TBC1D5: variants seen among roughly 807,000 people sequenced by gnomAD.
TBC1D5 encodes the protein TBC1 domain family member 5, also known as TBC1 domain family, member 5.
Under a neutral mutation model 100.3 loss-of-function variants are expected in TBC1D5, and 75 were observed. The observed-to-expected ratio is 0.75, with a 90% confidence interval of 0.62 to 0.91. The LOEUF (loss-of-function observed/expected upper bound fraction) is 0.91, where lower values mean the gene tolerates loss of function less well. Among genes scored for constraint, TBC1D5 ranks in the 40% least tolerant of loss-of-function variants. The pLI, the probability that TBC1D5 is intolerant of heterozygous loss-of-function variation, is 0.00. For synonymous variants in TBC1D5, 323 were observed against 325.6 expected (o/e 0.99, Z 0.09); for missense variants, 910 against 942.4 (o/e 0.97, Z 0.45).
At chr3:17,444,758 T>C (rs944340128) in intron 3 of TBC1D5, among the ~76,000 whole-genome samples, 2 of 152,128 alleles carry the variant, frequency 1.3e-5, no homozygotes, top group Admixed American at 1.3e-4. Flanking sequence ...ATTGTTAGTA[T>C]TTTAACATTT....
At chr3:17,218,213 T>C (rs2073879746) in intron 17 of TBC1D5, among the ~76,000 whole-genome samples, 1 of 152,078 alleles carries the variant, frequency 6.6e-6, no homozygotes, top group Admixed American at 6.6e-5. Flanking sequence ...CAGTATCACA[T>C]TGTTTTGATT....
At chr3:17,710,307 G>A (rs1043911561) in intron 1 of TBC1D5, among the ~76,000 whole-genome samples, 1 of 152,152 alleles carries the variant, frequency 6.6e-6, no homozygotes, top group African/African-American at 2.4e-5. Flanking sequence ...GCTCACACCT[G>A]TAATCCCATC....
intron 3 of TBC1D5, among the ~76,000 whole-genome samples, chr3:17,496,783 A>T (rs1177448255): frequency 6.6e-6 from 1 of 152,242 alleles, no homozygotes; most frequent in African/African-American, 2.4e-5. Context: ...AATATATTTT[A>T]AAATAGCTAT....
At chr3:17,672,901 A>G (rs1163910348) in intron 1 of TBC1D5, among the ~76,000 whole-genome samples, 1 of 152,198 alleles carries the variant, frequency 6.6e-6, no homozygotes, top group Non-Finnish European at 1.5e-5. Context: ...TATGCAAAGT[A>G]TCCTGACCCT....
intron 2 of TBC1D5, among the ~76,000 whole-genome samples, chr3:17,544,049 T>A (rs1414568210): frequency 1.3e-5 from 2 of 151,894 alleles, no homozygotes; most frequent in East Asian, 1.9e-4. Flanking sequence ...TGTATTTTTT[T>A]AGTAAAGACA....
intron 2 of TBC1D5, among the ~76,000 whole-genome samples, chr3:17,541,063 T>A (rs945918710): frequency 2.6e-5 from 4 of 152,086 alleles, no homozygotes; most frequent in Admixed American, 2.0e-4. Context: ...TACTGTAGCT[T>A]TGTAGTAAGT....
At chr3:17,226,094 A>C (rs2074864995) in intron 17 of TBC1D5, among the ~76,000 whole-genome samples, 1 of 151,226 alleles carries the variant, frequency 6.6e-6, no homozygotes, top group Non-Finnish European at 1.5e-5. Context: ...TACCTGGAGT[A>C]GTCTTGTCTC....
chr3:17,615,537 T>G (rs187518194), intron 2 of TBC1D5, among the ~76,000 whole-genome samples: 1 of 152,084 alleles, frequency 6.6e-6, no homozygotes, highest in African/African-American at 2.4e-5. Context: ...TGGTTGGTAG[T>G]CTATTCATTA....
chr3:17,384,296 T>C (rs2093064527), intron 8 of TBC1D5, among the ~76,000 whole-genome samples: 1 of 152,118 alleles, frequency 6.6e-6, no homozygotes, highest in South Asian at 2.1e-4. Context: ...TTTTGAATCA[T>C]ATTCTACGTG....
chr3:17,385,223 C>G (rs2028874), intron 8 of TBC1D5, among the ~76,000 whole-genome samples: 75,051 of 151,726 alleles, frequency 0.49, 20,073 homozygotes, highest in African/African-American at 0.67. Flanking sequence ...AGGAATAAGA[C>G]GCCATTATTA....
At chr3:17,261,351 A>G (rs369133194) in intron 15 of TBC1D5, among the ~76,000 whole-genome samples, 13 of 152,322 alleles carry the variant, frequency 8.5e-5, no homozygotes, top group African/African-American at 2.9e-4. Context: ...CAATGGATAG[A>G]TAACTGGGAC....
intron 15 of TBC1D5, among the ~76,000 whole-genome samples, chr3:17,262,559 G>A (rs1466967232): frequency 6.9e-6 from 1 of 144,504 alleles, no homozygotes; most frequent in Non-Finnish European, 1.5e-5. Flanking sequence ...TCGGCTCACT[G>A]CAAGCTCCAC....
intron 3 of TBC1D5, among the ~76,000 whole-genome samples, chr3:17,505,964 C>A (rs545322104): frequency 5.9e-5 from 9 of 152,186 alleles, no homozygotes; most frequent in South Asian, 4.1e-4. Context: ...GCATATATAT[C>A]TGTATATATT....
chr3:17,637,472 C>T (rs926579231), intron 1 of TBC1D5, among the ~76,000 whole-genome samples: 1 of 151,486 alleles, frequency 6.6e-6, no homozygotes, highest in African/African-American at 2.4e-5. Context: ...GAAAAAATCA[C>T]CATAAATAAA....
intron 16 of TBC1D5, among the ~76,000 whole-genome samples, chr3:17,254,724 T>C (rs1342184608): frequency 2.4e-5 from 3 of 125,588 alleles, no homozygotes; most frequent in African/African-American, 9.2e-5. Context: ...GTTTCCCGTA[T>C]AAGAAATCTT....
chr3:17,491,125 T>C (rs1388827482), intron 3 of TBC1D5, among the ~76,000 whole-genome samples: 1 of 152,206 alleles, frequency 6.6e-6, no homozygotes, highest in African/African-American at 2.4e-5. Context: ...GCTATTAGTA[T>C]ATAAAAATGC....
At chr3:17,624,286 G>C (rs2062894961) in intron 1 of TBC1D5, among the ~76,000 whole-genome samples, 2 of 152,062 alleles carry the variant, frequency 1.3e-5, no homozygotes, top group Non-Finnish European at 2.9e-5. Context: ...AAAACACAAA[G>C]ATACTTATTT....
intron 1 of TBC1D5, among the ~76,000 whole-genome samples, chr3:17,707,113 T>C (rs2074262202): frequency 6.6e-6 from 1 of 152,064 alleles, no homozygotes; most frequent in South Asian, 2.1e-4. Context: ...ACCTAACTTA[T>C]TTAATTTGAG....
chr3:17,504,975 T>C (rs1576404867), intron 3 of TBC1D5, among the ~76,000 whole-genome samples: 1 of 152,138 alleles, frequency 6.6e-6, no homozygotes, highest in East Asian at 1.9e-4. Context: ...GTCATTGTAA[T>C]GGAAAGAAAG....
Sources: allele counts gnomAD v4.1 joint callset (sites outside exome capture counted in the v4.1 genomes callset), GRCh38; gene constraint gnomAD v4.1.1; transcripts MANE v1.5; gene names NCBI Gene and HGNC (gene_info 2026-07-23, HGNC 2026-07-21).